CHRM3: variants seen among roughly 807,000 people sequenced by gnomAD.
CHRM3 encodes cholinergic receptor muscarinic 3.
Under a neutral mutation model 41.8 loss-of-function variants are expected in CHRM3, and 11 were observed. That is an observed-to-expected ratio of 0.26 (90% CI 0.17 to 0.44). The LOEUF (loss-of-function observed/expected upper bound fraction) is 0.44. CHRM3 is among the 20% of genes least tolerant of loss of function. The pLI, the probability that CHRM3 is intolerant of heterozygous loss-of-function variation, is 1.00. For synonymous variants in CHRM3, 297 were observed against 301.4 expected (o/e 0.99, Z 0.15); for missense variants, 571 against 745.4 (o/e 0.77, Z 2.72).
chr1:239,664,145 A>G (rs922367574), intron 4 of CHRM3, among the ~76,000 whole-genome samples: 1 of 152,180 alleles, frequency 6.6e-6, no homozygotes, highest in Non-Finnish European at 1.5e-5. Context: ...AAAGCAGTAG[A>G]TGACTATTCA....
intron 6 of CHRM3, among the ~76,000 whole-genome samples, chr1:239,891,249 A>C (rs1177479099): frequency 2.0e-5 from 3 of 152,150 alleles, no homozygotes; most frequent in Non-Finnish European, 4.4e-5. Context: ...GAGGAGGTGC[A>C]ATTCAATGGG....
chr1:239,408,404 G>T (rs1203730743), intron 1 of CHRM3, among the ~76,000 whole-genome samples: 1 of 151,512 alleles, frequency 6.6e-6, no homozygotes, highest in Admixed American at 6.6e-5. Flanking sequence ...GGCGCCTTTA[G>T]TCCCAGCTGC....
intron 5 of CHRM3, among the ~76,000 whole-genome samples, chr1:239,713,100 A>T (rs1411247128): frequency 6.6e-6 from 1 of 152,190 alleles, no homozygotes; most frequent in Admixed American, 6.5e-5. Flanking sequence ...GACTGTGTCA[A>T]CGTACTTCAT....
At chr1:239,455,178 A>G (rs1208557513) in intron 1 of CHRM3, among the ~76,000 whole-genome samples, 1 of 151,948 alleles carries the variant, frequency 6.6e-6, no homozygotes, top group African/African-American at 2.4e-5. Flanking sequence ...CAGCCTCCCA[A>G]GTAGCTGAGA....
chr1:239,464,564 G>A (rs145748875), intron 1 of CHRM3, among the ~76,000 whole-genome samples: 524 of 152,248 alleles, frequency 3.4e-3, no homozygotes, highest in African/African-American at 0.012. Context: ...GAAGTTTGGT[G>A]TTTACTTCTA....
intron 3 of CHRM3, among the ~76,000 whole-genome samples, chr1:239,562,844 C>T (rs564065458): frequency 4.2e-4 from 62 of 148,250 alleles, no homozygotes; most frequent in African/African-American, 1.1e-3. Flanking sequence ...GCCGAGGTCG[C>T]GCCACTGCAC....
At position 239,817,465 on chromosome 1, in the gene CHRM3, C is replaced by G. The variant is rs200848309; in HGVS notation, c.-146-9787C>G. On this transcript the variant is annotated intron_variant, in intron 5 of 6. Transcript: ENST00000676153. The stretch of plus-strand genomic sequence containing the variant: ...CCCAGAACTGCCCAAATCTTTAAGA[C>G]AGAATCCAGTACCACTGAGATCACC... Among the ~76,000 whole-genome samples, 37 of 152,188 alleles carry G rather than the reference C, an allele frequency of 2.4e-4. No individual in the cohort carries two copies. In the East Asian group the frequency reaches 6.0e-3, roughly 25 times the overall value.
At chr1:239,885,247 T>C (rs1260024773) in intron 6 of CHRM3, among the ~76,000 whole-genome samples, 1 of 152,198 alleles carries the variant, frequency 6.6e-6, no homozygotes, top group Non-Finnish European at 1.5e-5. Context: ...GGACTGTCAT[T>C]CTCAAACTTT....
At chr1:239,693,583 A>G (rs541188810) in intron 5 of CHRM3, among the ~76,000 whole-genome samples, 8 of 152,114 alleles carry the variant, frequency 5.3e-5, no homozygotes, top group Non-Finnish European at 1.0e-4. Flanking sequence ...TTGCTTCTTG[A>G]CTGTCATAAT....
At chr1:239,813,192 C>T (rs920005490) in intron 5 of CHRM3, among the ~76,000 whole-genome samples, 4 of 151,978 alleles carry the variant, frequency 2.6e-5, no homozygotes, top group African/African-American at 4.8e-5. Context: ...GCAGGAGAAT[C>T]GCTTGAACCC....
chr1:239,699,351 T>C (rs1481658745), intron 5 of CHRM3, among the ~76,000 whole-genome samples: 1 of 152,160 alleles, frequency 6.6e-6, no homozygotes, highest in Non-Finnish European at 1.5e-5. Context: ...CTTGGTTCAA[T>C]GCCCTCTTAT....
chr1:239,425,384 A>G (rs1327001118), intron 1 of CHRM3, among the ~76,000 whole-genome samples: 3 of 151,970 alleles, frequency 2.0e-5, no homozygotes, highest in Admixed American at 2.0e-4. Context: ...ACTCCTGCAA[A>G]TCTCAATTTT....
intron 4 of CHRM3, among the ~76,000 whole-genome samples, chr1:239,647,794 A>T (rs546095823): frequency 7.2e-4 from 110 of 152,316 alleles, no homozygotes; most frequent in African/African-American, 2.3e-3. Flanking sequence ...CAAAAATGAG[A>T]AACATCCCTT....
chr1:239,863,788 A>G (rs1675837849), intron 6 of CHRM3, among the ~76,000 whole-genome samples: 1 of 152,172 alleles, frequency 6.6e-6, no homozygotes, highest in Admixed American at 6.5e-5. Flanking sequence ...AACAAAGCAA[A>G]CATACAATGT....
At chr1:239,480,494 C>T (rs959837794) in intron 1 of CHRM3, among the ~76,000 whole-genome samples, 8 of 149,642 alleles carry the variant, frequency 5.3e-5, no homozygotes, top group East Asian at 3.9e-4. Flanking sequence ...GCAGGTAATG[C>T]GAAATGTAAC....
chr1:239,484,360 C>T (rs1160883409), intron 1 of CHRM3, among the ~76,000 whole-genome samples: 1 of 152,154 alleles, frequency 6.6e-6, no homozygotes, highest in Non-Finnish European at 1.5e-5. Flanking sequence ...TGAGAATTTA[C>T]TCATCACCAA....
intron 1 of CHRM3, among the ~76,000 whole-genome samples, chr1:239,442,451 CTT>C (rs542929419): frequency 6.9e-6 from 1 of 145,838 alleles, no homozygotes; most frequent in Non-Finnish European, 1.5e-5. Context: ...AGAGAAAACC[CTT>C]TTTTTTTTTT....
At chr1:239,679,652 T>C (rs1027509379) in intron 5 of CHRM3, among the ~76,000 whole-genome samples, 6 of 152,160 alleles carry the variant, frequency 3.9e-5, no homozygotes, top group Non-Finnish European at 8.8e-5. Context: ...TAGAGATTAA[T>C]GTCCCTGATT....
chr1:239,699,850 G>A (rs1322177268), intron 5 of CHRM3, among the ~76,000 whole-genome samples: 2 of 152,124 alleles, frequency 1.3e-5, no homozygotes, highest in Non-Finnish European at 2.9e-5. Flanking sequence ...CATTGAACCT[G>A]AAACTGTGAC....
Sources: allele counts gnomAD v4.1 joint callset (sites outside exome capture counted in the v4.1 genomes callset), GRCh38; gene constraint gnomAD v4.1.1; transcripts MANE v1.5; gene names NCBI Gene and HGNC (gene_info 2026-07-23, HGNC 2026-07-21).